The following DNAJC18 variants were observed in gnomAD, a reference collection of about 807,000 sequenced individuals.
DNAJC18 encodes DnaJ heat shock protein family (Hsp40) member C18.
In DNAJC18, 40 loss-of-function variants were observed where a neutral mutation model predicts 48.6. That is an observed-to-expected ratio of 0.82 (90% CI 0.64 to 1.07). The LOEUF (loss-of-function observed/expected upper bound fraction) is 1.07, where lower values mean the gene tolerates loss of function less well. DNAJC18 is among the 50% of genes least tolerant of loss of function. The pLI is 0.00. For synonymous variants in DNAJC18, 135 were observed against 152.2 expected (o/e 0.89, Z 0.83); for missense variants, 340 against 427.7 (o/e 0.79, Z 1.81).
chr5:139,433,317 G>T (rs537980054), intron 2 of DNAJC18, among the ~76,000 whole-genome samples: 3 of 152,000 alleles, frequency 2.0e-5, no homozygotes, highest in African/African-American at 7.2e-5. Flanking sequence ...GATGGTGGGC[G>T]CCTGTAATCC....
chr5:139,426,361 C>T lies in DNAJC18; in HGVS notation c.374-4G>A, dbSNP rs759830125. On this transcript the variant is annotated splice_polypyrimidine_tract_variant and splice_region_variant and intron_variant, in intron 3 of 7. Coordinates refer to ENST00000302060, the MANE Select transcript of DNAJC18 (RefSeq NM_152686.4). ...ACTGCAAATGCATTTCCTATTGCTG[C>T]AACCAACAAGAACCAGCACATGAGG... 1.9e-5 allele frequency: 30 copies of T among 1,613,476 alleles called. No homozygotes were observed. The highest frequency in any genetic ancestry group is 2.5e-5 in the Non-Finnish European group (30 of 1,179,718).
intron 7 of DNAJC18, chr5:139,418,848 T>C: frequency 2.2e-6 from 1 of 456,300 alleles, no homozygotes; most frequent in Admixed American, 2.3e-5. Flanking sequence ...GACACAAAAT[T>C]AGTAAGACCA....
At position 139,426,355 on chromosome 5, in the gene DNAJC18, T is replaced by C; in HGVS notation, c.376A>G (p.Ile126Val). The change falls in exon 4 of 8, where the codon ATA becomes GTA. Residue 126 changes from isoleucine to valine, a missense_variant and splice_region_variant. Physicochemically the swap from Ile to Val is conservative, Grantham distance 29 (BLOSUM62 3). Transcript: ENST00000302060. ...APGATDAFKA[I>V]GNAFAVLSNP... ...CTCAGGACTGCAAATGCATTTCCTATTGCTGCAACCAACAAGAACCAGCAC... is the reference window on the plus strand; with the variant it reads ...CTCAGGACTGCAAATGCATTTCCTACTGCTGCAACCAACAAGAACCAGCAC... 5.6e-6 allele frequency: 9 copies of C among 1,613,948 alleles called. No individual in the cohort carries two copies. The highest frequency in any genetic ancestry group is 7.6e-6 in the Non-Finnish European group (9 of 1,179,874).
chr5:139,437,915 C>G (rs745658574), intron 1 of DNAJC18, among the ~76,000 whole-genome samples: 3 of 152,218 alleles, frequency 2.0e-5, no homozygotes, highest in Non-Finnish European at 4.4e-5. Flanking sequence ...AGATCTACTC[C>G]TGACCACAAA....
At position 139,437,409 on chromosome 5, in the gene DNAJC18, A is replaced by T. The variant is rs1750694086; in HGVS notation, c.190T>A (p.Ser64Thr). Reference protein sequence around the residue: ...WTQTRQGEGNSTYSEEQLLGV... With the variant: ...WTQTRQGEGNTTYSEEQLLGV... ...AGCAGCTGTTCCTCACTATACGTGGAGTTCCCCTCACCCTGCCGGGTCTGA... is the reference window on the plus strand; with the variant it reads ...AGCAGCTGTTCCTCACTATACGTGGTGTTCCCCTCACCCTGCCGGGTCTGA... Residue 64 changes from serine (S) to threonine (T), a missense_variant, in exon 2 of 8, where the codon TCC (serine) becomes ACC (threonine). Ser to Thr is a moderately conservative substitution (Grantham distance 58). Coordinates refer to ENST00000302060, the MANE Select transcript of DNAJC18 (RefSeq NM_152686.4). 1.2e-6 allele frequency: 2 copies of T among 1,613,662 alleles called. No individual in the cohort carries two copies.
intron 2 of DNAJC18, among the ~76,000 whole-genome samples, chr5:139,429,903 G>A (rs1448804647): frequency 6.6e-6 from 1 of 152,076 alleles, no homozygotes; most frequent in African/African-American, 2.4e-5. Context: ...CTCTAGCCTG[G>A]GCAACAGAGC....
chr5:139,436,121 T>C (rs1463917989), intron 2 of DNAJC18, among the ~76,000 whole-genome samples: 1 of 152,162 alleles, frequency 6.6e-6, no homozygotes, highest in Non-Finnish European at 1.5e-5. Context: ...ATAAGGTCTC[T>C]GTCACCGAAG....
intron 2 of DNAJC18, among the ~76,000 whole-genome samples, chr5:139,435,833 G>C (rs1750645602): frequency 6.8e-6 from 1 of 147,792 alleles, no homozygotes; most frequent in Admixed American, 7.0e-5. Context: ...AGCCTCCTGA[G>C]CAGCTGGAAC....
intron 2 of DNAJC18, among the ~76,000 whole-genome samples, chr5:139,435,657 G>A (rs1418790752): frequency 6.9e-6 from 1 of 144,370 alleles, no homozygotes; most frequent in African/African-American, 2.5e-5. Flanking sequence ...AGTTAATACT[G>A]GTCTCAAAGA....
intron 6 of DNAJC18, among the ~76,000 whole-genome samples, chr5:139,421,142 G>T (rs954390546): frequency 6.6e-6 from 1 of 152,194 alleles, no homozygotes; most frequent in African/African-American, 2.4e-5. Context: ...AATCAGGCCA[G>T]TGTGGCCTGA....
intron 7 of DNAJC18, among the ~76,000 whole-genome samples, chr5:139,419,818 C>G (rs1177069154): frequency 6.6e-6 from 1 of 152,184 alleles, no homozygotes; most frequent in Non-Finnish European, 1.5e-5. Context: ...GACAGACATA[C>G]AGACAGGTGA....
chr5:139,420,081 C>T lies in DNAJC18; in HGVS notation c.924G>A (p.Gln308=), dbSNP rs1300724040. 6.3e-7 allele frequency: 1 copy of T among 1,589,654 alleles called. No individual in the cohort carries two copies. The highest frequency in any genetic ancestry group is 8.5e-7 in the Non-Finnish European group (1 of 1,171,812). ...GTTGTTTCTCCTTCCAACAACTAGT[C>T]TGGATATAATCAATGTAATCCTTCT... ...TIEKDYIDYI[Q]TSCWKEKQQK... The change falls in exon 7 of 8, where the codon CAG becomes CAA. Residue 308 remains glutamine (Q), a synonymous_variant. Transcript: ENST00000302060.
At chr5:139,425,637 A>C (rs1372353797) in intron 4 of DNAJC18, among the ~76,000 whole-genome samples, 1 of 152,180 alleles carries the variant, frequency 6.6e-6, no homozygotes, top group Non-Finnish European at 1.5e-5. Context: ...AACTAGTGAG[A>C]GAGAACCCCG....
intron 5 of DNAJC18, among the ~76,000 whole-genome samples, chr5:139,423,704 T>C (rs1269256951): frequency 6.7e-6 from 1 of 150,346 alleles, no homozygotes; most frequent in East Asian, 1.9e-4. Flanking sequence ...ATTTTCAGAT[T>C]AGGAATTGTC....
chr5:139,420,813 A>T (rs550163802), intron 6 of DNAJC18, among the ~76,000 whole-genome samples: 1 of 152,244 alleles, frequency 6.6e-6, no homozygotes, highest in East Asian at 1.9e-4. Context: ...AACATTAATA[A>T]GAGTACTGAG....
At chr5:139,417,251 A>C (rs1171771494) in intron 7 of DNAJC18, among the ~76,000 whole-genome samples, 1 of 152,222 alleles carries the variant, frequency 6.6e-6, no homozygotes, top group Non-Finnish European at 1.5e-5. Context: ...AGAGAAAAAT[A>C]AATGAACCAA....
Position 139,410,600 on chromosome 5 carries a change from CT to C in DNAJC18, c.*3547del, listed in dbSNP as rs2152081412. ...AGGAGCAGTGCATGCAGATGATGTACTTGCTTGTATGGTGTGGCCAGCTGTA... is the reference window on the plus strand; with the variant it reads ...AGGAGCAGTGCATGCAGATGATGTACTGCTTGTATGGTGTGGCCAGCTGTA... On this transcript the variant is annotated 3_prime_UTR_variant, in exon 8 of 8. Transcript: ENST00000302060. 6.6e-6 allele frequency: 1 copy of C among 152,266 alleles called. No individual in the cohort carries two copies. Among genetic ancestry groups the C allele is most frequent in the South Asian group, 2.1e-4 (1 of 4,822 alleles). The allele number at this position is 152,266 out of a possible 1,614,324, so 9.4% of individuals were successfully genotyped here.
intron 7 of DNAJC18, among the ~76,000 whole-genome samples, chr5:139,414,591 C>A (rs1759044717): frequency 1.3e-5 from 2 of 152,254 alleles, no homozygotes; most frequent in Admixed American, 1.3e-4. Flanking sequence ...CCTATAGCCT[C>A]CTACAAACGG....
intron 2 of DNAJC18, among the ~76,000 whole-genome samples, chr5:139,429,244 T>C (rs1759293265): frequency 6.6e-6 from 1 of 151,960 alleles, no homozygotes; most frequent in Non-Finnish European, 1.5e-5. Context: ...CCACCAGCCC[T>C]GGCTAATGTT....
Sources: allele counts gnomAD v4.1 joint callset (sites outside exome capture counted in the v4.1 genomes callset), GRCh38; gene constraint gnomAD v4.1.1; transcripts MANE v1.5; gene names NCBI Gene and HGNC (gene_info 2026-07-23, HGNC 2026-07-21).